The following GLYR1 variants were observed in gnomAD, a reference collection of about 807,000 sequenced individuals.
GLYR1 encodes glyoxylate reductase 1 homolog.
In GLYR1, 21 loss-of-function variants were observed where a neutral mutation model predicts 72.7. That is an observed-to-expected ratio of 0.29 (90% CI 0.20 to 0.42). The LOEUF is 0.42. GLYR1 is among the 10% of genes least tolerant of loss of function. The probability of loss-of-function intolerance (pLI) is 1.00; values close to 1 mark genes in which losing one functional copy is unlikely to be tolerated. For synonymous variants in GLYR1, 392 were observed against 270.2 expected, an observed-to-expected ratio of 1.45 and a Z score of -4.42; for missense variants, 594 against 712.1, an observed-to-expected ratio of 0.83 and a Z score of 1.89.
intron 3 of GLYR1, among the ~76,000 whole-genome samples, chr16:4,837,201 C>T (rs536320009): frequency 2.6e-4 from 39 of 152,234 alleles, no homozygotes; most frequent in Non-Finnish European, 3.5e-4. Context: ...CTTGGGAGAC[C>T]GAGGCAGGTG....
At chr16:4,827,200 T>G (rs1251228331) in intron 5 of GLYR1, among the ~76,000 whole-genome samples, 1 of 152,264 alleles carries the variant, frequency 6.6e-6, no homozygotes, top group Admixed American at 6.5e-5. Context: ...CAGCTGGGCT[T>G]TGCCCAGTTA....
intron 15 of GLYR1, 64 bp downstream of exon 15, chr16:4,811,102 TAAAA>T (rs369808419): frequency 1.9e-4 from 277 of 1,448,748 alleles, no homozygotes; most frequent in Admixed American, 3.3e-4. Flanking sequence ...GAGACTCCGT[TAAAA>T]AAAAAAAAAA....
At chr16:4,818,474 G>A (rs900241065) in intron 9 of GLYR1, among the ~76,000 whole-genome samples, 2 of 151,840 alleles carry the variant, frequency 1.3e-5, no homozygotes, top group Admixed American at 1.3e-4. Context: ...GTGGAGATGG[G>A]CTTTTGCCAT....
In GLYR1 at chr16:4,812,165, G is replaced by A; in HGVS notation, c.1203C>T (p.Ile401=). The A allele has an allele frequency of 6.2e-7, 1 of 1,614,166 alleles. No homozygotes were observed. Among genetic ancestry groups the A allele is most frequent in the Non-Finnish European group, 8.5e-7 (1 of 1,180,036 alleles). ...QQLSNDGMLV[I]LAAGDRGLYE... Reference sequence around the variant, plus strand: ...ATAAGCCCCTGTCTCCAGCCGCTAAGATCACCAACATCCCGTCATTAGACA... The same window carrying A: ...ATAAGCCCCTGTCTCCAGCCGCTAAAATCACCAACATCCCGTCATTAGACA... The change falls in exon 13 of 16, where the codon ATC becomes ATT. Residue 401 remains isoleucine, a synonymous_variant. Coordinates refer to ENST00000321919, the MANE Select transcript of GLYR1 (RefSeq NM_032569.4).
Position 4,843,479 on chromosome 16 carries a change from G to A in GLYR1, c.155+1595C>T, listed in dbSNP as rs866524248. ...CAAATCTTCTTTTTAAATCCATGGAGTTCTAAGAACATTCCCTCTTCCAGA... is the reference window on the plus strand; with the variant it reads ...CAAATCTTCTTTTTAAATCCATGGAATTCTAAGAACATTCCCTCTTCCAGA... On this transcript the variant is annotated intron_variant, in intron 3 of 15. Transcript: ENST00000321919. 1.2e-5 allele frequency: 15 copies of A among 1,270,956 alleles called. No individual in the cohort carries two copies. The Middle Eastern group carries it at 2.2e-3, about 185-fold the overall frequency. The allele number at this position is 1,270,956 out of a possible 1,614,324, so 78.7% of individuals were successfully genotyped here. A position where few individuals can be genotyped will look rare whatever the true frequency, so the allele number is the denominator to read the frequency against.
intron 2 of GLYR1, among the ~76,000 whole-genome samples, chr16:4,845,925 C>G (rs946768318): frequency 2.0e-5 from 3 of 152,016 alleles, no homozygotes; most frequent in Middle Eastern, 3.2e-3. Context: ...GAATTATTTC[C>G]GGGGTTAAAA....
Position 4,811,203 on chromosome 16 carries a change from G to A in GLYR1, c.1554C>T (p.Asn518=). The change falls in exon 15 of 16, where the codon AAC becomes AAT. Residue 518 remains asparagine (N), a synonymous_variant. Coordinates refer to ENST00000321919, the MANE Select transcript of GLYR1 (RefSeq NM_032569.4). ...RLAIALGDAV[N]HPTPMAAAAN... ...CTGCAGCTGCCATGGGAGTCGGATG[G>A]TTGACCGCATCACCCAGCGCAATGG... 6.2e-7 allele frequency: 1 copy of A among 1,614,104 alleles called. No individual in the cohort carries two copies. The highest frequency in any genetic ancestry group is 8.5e-7 in the Non-Finnish European group (1 of 1,180,026).
intron 6 of GLYR1, among the ~76,000 whole-genome samples, 192 bp downstream of exon 6, chr16:4,823,629 C>T (rs1443885693): frequency 2.0e-5 from 3 of 152,046 alleles, no homozygotes; most frequent in Admixed American, 6.6e-5. Context: ...GACTGAAATC[C>T]GTCACCTCGA....
chr16:4,846,027 A>T (rs1343019137), intron 2 of GLYR1, 147 bp downstream of exon 2: 1 of 788,158 alleles, frequency 1.3e-6, no homozygotes, highest in Non-Finnish European at 2.2e-6. Flanking sequence ...TTTAAAAAAT[A>T]ACCGATACTA....
intron 5 of GLYR1, among the ~76,000 whole-genome samples, chr16:4,824,718 T>G (rs1423785295): frequency 1.3e-5 from 2 of 152,060 alleles, no homozygotes; most frequent in Non-Finnish European, 2.9e-5. Context: ...GAGAAGCTCC[T>G]CTTCATCGAT....
intron 3 of GLYR1, among the ~76,000 whole-genome samples, chr16:4,837,803 C>T (rs1038636436): frequency 5.3e-5 from 8 of 152,050 alleles, no homozygotes; most frequent in African/African-American, 1.7e-4. Context: ...CGGTGGCATG[C>T]GCCTGTAATC....
At chr16:4,823,203 T>C (rs1180884055) in intron 6 of GLYR1, among the ~76,000 whole-genome samples, 14 of 152,236 alleles carry the variant, frequency 9.2e-5, no homozygotes, top group Admixed American at 9.2e-4. Context: ...TGTGGGAAAA[T>C]ATTAACAAGC....
At chr16:4,832,441 G>A in intron 4 of GLYR1, 2 of 620,170 alleles carry the variant, frequency 3.2e-6, no homozygotes, top group South Asian at 2.1e-5. Context: ...CTAGAAGAAA[G>A]GATTTAAATC....
chr16:4,815,758 C>T (rs1046006014), intron 10 of GLYR1, among the ~76,000 whole-genome samples: 3 of 152,046 alleles, frequency 2.0e-5, no homozygotes, highest in Non-Finnish European at 4.4e-5. Flanking sequence ...CCTACCTGAT[C>T]ATTTAACCAG....
intron 3 of GLYR1, among the ~76,000 whole-genome samples, chr16:4,833,428 G>C (rs368039101): frequency 6.6e-6 from 1 of 152,182 alleles, no homozygotes; most frequent in African/African-American, 2.4e-5. Flanking sequence ...GATCCACAGA[G>C]AGTCAGGGAT....
At chr16:4,824,424 G>A (rs1268809537) in intron 5 of GLYR1, among the ~76,000 whole-genome samples, 9 of 151,208 alleles carry the variant, frequency 6.0e-5, no homozygotes, top group East Asian at 5.8e-4. Context: ...CGCTTGAACC[G>A]GGGAGGTGGA....
At chr16:4,834,815 T>G (rs1359426537) in intron 3 of GLYR1, among the ~76,000 whole-genome samples, 1 of 152,144 alleles carries the variant, frequency 6.6e-6, no homozygotes, top group Non-Finnish European at 1.5e-5. Flanking sequence ...AGAGCGCCAA[T>G]GAGTCCAATC....
At chr16:4,836,683 C>T (rs754117450) in intron 3 of GLYR1, among the ~76,000 whole-genome samples, 3 of 152,116 alleles carry the variant, frequency 2.0e-5, no homozygotes, top group Non-Finnish European at 2.9e-5. Flanking sequence ...GGACTGACCA[C>T]GCACTGATAT....
chr16:4,811,654 C>T lies in GLYR1; in HGVS notation c.1431G>A (p.Leu477=), dbSNP rs2141953744. The T allele has an allele frequency of 6.2e-7, 1 of 1,614,120 alleles. No homozygotes were observed. The highest frequency in any genetic ancestry group is 2.2e-5 in the East Asian group (1 of 44,880). ...TLLDILNQGQ[L]ASIFLDQKCQ... ...ACTTCTGGTCCAGGAAGATGCTGGC[C>T]AACTGTCCCTGATTGAGGATGTCCA... is the stretch of plus-strand genomic sequence containing the variant. Residue 477 remains leucine, a synonymous_variant, in exon 14 of 16, where the codon TTG becomes TTA. Coordinates refer to ENST00000321919, the MANE Select transcript of GLYR1 (RefSeq NM_032569.4).
Sources: gnomAD v4.1 joint callset for allele counts (sites outside exome capture counted in the v4.1 genomes callset) on GRCh38, gnomAD v4.1.1 for gene constraint, MANE v1.5 for transcripts, NCBI Gene and HGNC (gene_info 2026-07-23, HGNC 2026-07-21) for gene names.